BSPH1: variants seen among roughly 807,000 people sequenced by gnomAD.
BSPH1 encodes the protein binder of sperm protein homolog 1, also known as binder of sperm 1.
In BSPH1, 21 loss-of-function variants were observed where a neutral mutation model predicts 22.5. That is an observed-to-expected ratio of 0.93 (90% CI 0.66 to 1.35). The LOEUF is 1.35. Ranked by LOEUF, BSPH1 falls within the 40% of genes most tolerant of loss-of-function variation. The pLI is 0.00. For missense variants in BSPH1, 141 were observed against 154.2 expected (o/e 0.91, Z 0.45); for synonymous variants, 42 against 53.6 (o/e 0.78, Z 0.95).
chr19:47,985,518 T>C (rs989583422), intron 1 of BSPH1, among the ~76,000 whole-genome samples: 1 of 152,084 alleles, frequency 6.6e-6, no homozygotes, highest in Admixed American at 6.5e-5. Flanking sequence ...TTCAGAGATA[T>C]AAAGAGAGGA....
At chr19:47,977,570 C>G (rs1416700936) in intron 3 of BSPH1, 66 bp from the exon 4 acceptor site, 2 of 1,528,816 alleles carry the variant, frequency 1.3e-6, no homozygotes, top group East Asian at 2.5e-5. Flanking sequence ...AAGCGACTGT[C>G]TTCCTAGGCG....
intron 1 of BSPH1, among the ~76,000 whole-genome samples, chr19:47,984,364 C>A (rs910951277): frequency 2.0e-5 from 3 of 151,610 alleles, no homozygotes; most frequent in African/African-American, 7.3e-5. Context: ...TGGAAGAAGA[C>A]AAAGCTATGC....
intron 1 of BSPH1, among the ~76,000 whole-genome samples, chr19:47,990,953 A>C (rs1381580247): frequency 6.6e-6 from 1 of 152,198 alleles, no homozygotes; most frequent in Non-Finnish European, 1.5e-5. Context: ...TCCAATTTAC[A>C]TTCTTAGTCT....
chr19:47,980,477 CT>C (rs11363158), intron 2 of BSPH1: 69,366 of 203,826 alleles, frequency 0.34, 9,938 homozygotes, highest in Non-Finnish European at 0.37. Flanking sequence ...CTTCTTCTTT[CT>C]TTTTTTTTTT....
intron 2 of BSPH1, among the ~76,000 whole-genome samples, chr19:47,980,196 A>G (rs1166143695): frequency 1.3e-5 from 1 of 75,324 alleles, no homozygotes. Context: ...GATTAGTATT[A>G]GATTAAAAAT....
In BSPH1 at chr19:47,968,104, A is replaced by T. The variant is rs897744922; in HGVS notation, c.*108T>A. On this transcript the variant is annotated 3_prime_UTR_variant, in exon 6 of 6. Transcript: ENST00000344839. ...ATTGGGGGTTACTGTATATCAGACC[A>T]TTCTGACCTGCTGAAGAATCCATGG... 6.6e-6 allele frequency: 1 copy of T among 152,222 alleles called. No individual in the cohort carries two copies. The highest frequency in any genetic ancestry group is 1.5e-5 in the Non-Finnish European group (1 of 68,052). The allele number at this position is 152,222 out of a possible 1,614,324, so 9.4% of individuals were successfully genotyped here. A position where few individuals can be genotyped will look rare whatever the true frequency, so the allele number is the denominator to read the frequency against.
chr19:47,975,241 G>A (rs1969350270), intron 5 of BSPH1, among the ~76,000 whole-genome samples: 1 of 152,084 alleles, frequency 6.6e-6, no homozygotes, highest in Non-Finnish European at 1.5e-5. Context: ...ATGTTGCCCA[G>A]GCTAGTCTCG....
At chr19:47,976,965 G>A in intron 4 of BSPH1, 111 bp from the exon 5 acceptor site, 2 of 1,036,978 alleles carry the variant, frequency 1.9e-6, no homozygotes, top group East Asian at 2.6e-5. Flanking sequence ...GCATGCACGT[G>A]AACAAATGTG....
chr19:47,981,552 A>T (rs1969419998), intron 1 of BSPH1, among the ~76,000 whole-genome samples: 1 of 152,220 alleles, frequency 6.6e-6, no homozygotes, highest in African/African-American at 2.4e-5. Flanking sequence ...CCATTAAATT[A>T]AAAAAGTTAA....
chr19:47,968,694 A>AAAG (rs1270476819), intron 5 of BSPH1, among the ~76,000 whole-genome samples: 2 of 149,872 alleles, frequency 1.3e-5, no homozygotes, highest in East Asian at 1.9e-4. Flanking sequence ...AAAAAAAAAA[A>AAAG]AAAAAAAAAG....
chr19:47,977,410 C>T lies in BSPH1; in HGVS notation c.219G>A (p.Lys73=). 6.4e-7 allele frequency: 1 copy of T among 1,552,166 alleles called. No homozygotes were observed. Residue 73 remains lysine (K), a synonymous_variant, in exon 4 of 6, where the codon AAG becomes AAA. Transcript: ENST00000344839. The part of the protein sequence containing the change: ...KARHKWCSLN[K]TYEGYWKFCS... Reference sequence around the variant, plus strand: ...AAAACTTCCAGTATCCTTCGTAGGTCTTGTTTAACGAGCACCACTTGTGTC... The same window carrying T: ...AAAACTTCCAGTATCCTTCGTAGGTTTTGTTTAACGAGCACCACTTGTGTC...
chr19:47,970,290 C>G (rs1320364024), intron 5 of BSPH1, among the ~76,000 whole-genome samples: 1 of 152,144 alleles, frequency 6.6e-6, no homozygotes, highest in Non-Finnish European at 1.5e-5. Flanking sequence ...AACTCCTGAC[C>G]TCAAGTGATC....
At chr19:47,985,513 A>C (rs1969462302) in intron 1 of BSPH1, among the ~76,000 whole-genome samples, 1 of 152,158 alleles carries the variant, frequency 6.6e-6, no homozygotes, top group Admixed American at 6.5e-5. Context: ...AGTTCTTCAG[A>C]GATATAAAGA....
intron 1 of BSPH1, among the ~76,000 whole-genome samples, chr19:47,985,803 C>T (rs960628313): frequency 6.6e-6 from 1 of 151,178 alleles, no homozygotes; most frequent in Non-Finnish European, 1.5e-5. Context: ...CCACTACACT[C>T]CAGCCTGAGT....
At chr19:47,991,005 T>C (rs1239501323) in intron 1 of BSPH1, among the ~76,000 whole-genome samples, 1 of 152,168 alleles carries the variant, frequency 6.6e-6, no homozygotes, top group Admixed American at 6.5e-5. Flanking sequence ...TTTTAAAAAA[T>C]CTTTACCTAT....
chr19:47,988,968 G>A (rs1969497088), intron 1 of BSPH1, among the ~76,000 whole-genome samples: 1 of 151,822 alleles, frequency 6.6e-6, no homozygotes, highest in Non-Finnish European at 1.5e-5. Flanking sequence ...CCATACACAT[G>A]GTCTGTTTCC....
chr19:47,975,334 A>G (rs1363535419), intron 5 of BSPH1, among the ~76,000 whole-genome samples: 1 of 151,252 alleles, frequency 6.6e-6, no homozygotes, highest in East Asian at 2.0e-4. Context: ...CCTGGCCTCT[A>G]TAATCAAATT....
In BSPH1 at chr19:47,979,552, GT is replaced by G; in HGVS notation, c.124+17del. 1.6e-6 allele frequency: 2 copies of G among 1,237,658 alleles called. No individual in the cohort carries two copies. The highest frequency in any genetic ancestry group is 2.2e-6 in the Non-Finnish European group (2 of 899,884). The allele number at this position is 1,237,658 out of a possible 1,614,324, so 76.7% of individuals were successfully genotyped here. ...AAGAAAATATACATTAATAATCAAA[GT>G]TTTCTGATCGACTTACCTGTAACTT... On this transcript the variant is annotated intron_variant, in intron 3 of 5. Transcript: ENST00000344839.
chr19:47,978,011 T>TATATATAG (rs755754686), intron 3 of BSPH1, among the ~76,000 whole-genome samples: 46 of 105,076 alleles, frequency 4.4e-4, no homozygotes, highest in African/African-American at 1.7e-3. Flanking sequence ...GATATATATA[T>TATATATAG]ATATATATAT....
Sources: allele counts gnomAD v4.1 joint callset (sites outside exome capture counted in the v4.1 genomes callset), GRCh38; gene constraint gnomAD v4.1.1; transcripts MANE v1.5; gene names NCBI Gene and HGNC (gene_info 2026-07-23, HGNC 2026-07-21).